STX8: variants seen among roughly 807,000 people sequenced by gnomAD.
STX8 encodes syntaxin-8.
STX8 carries 23 observed loss-of-function variants against 37.5 expected under a neutral mutation model. The ratio of observed to expected loss-of-function variants is 0.61; its 90% confidence interval spans 0.44 to 0.87. The LOEUF (loss-of-function observed/expected upper bound fraction) is 0.87, where lower values mean the gene tolerates loss of function less well. STX8 is among the 40% of genes least tolerant of loss of function. The pLI, the probability that STX8 is intolerant of heterozygous loss-of-function variation, is 0.00. For missense variants in STX8, 313 were observed against 284.7 expected (o/e 1.10, Z -0.71); for synonymous variants, 115 against 99.1 (o/e 1.16, Z -0.95).
chr17:9,373,639 T>C (rs1400149614), intron 7 of STX8, among the ~76,000 whole-genome samples: 3 of 151,978 alleles, frequency 2.0e-5, no homozygotes, highest in African/African-American at 7.3e-5. Flanking sequence ...AAATTTCAGT[T>C]TGGGATGTTA....
intron 6 of STX8, among the ~76,000 whole-genome samples, chr17:9,420,702 A>AC (rs1913392476): frequency 6.6e-6 from 1 of 152,038 alleles, no homozygotes; most frequent in African/African-American, 2.4e-5. Context: ...ACAACCCACT[A>AC]CAACTGAGCT....
intron 7 of STX8, among the ~76,000 whole-genome samples, chr17:9,264,873 G>T (rs958139892): frequency 6.6e-6 from 1 of 152,046 alleles, no homozygotes; most frequent in African/African-American, 2.4e-5. Context: ...CAGTACTTTG[G>T]GAGGCTGAGG....
At chr17:9,479,840 C>G (rs1186741687) in intron 6 of STX8, among the ~76,000 whole-genome samples, 1 of 147,286 alleles carries the variant, frequency 6.8e-6, no homozygotes, top group Non-Finnish European at 1.5e-5. Context: ...CTCCTGCCAG[C>G]TCTCCTGGCC....
At chr17:9,420,405 C>T (rs775124712) in intron 6 of STX8, among the ~76,000 whole-genome samples, 18 of 152,208 alleles carry the variant, frequency 1.2e-4, no homozygotes, top group Non-Finnish European at 2.4e-4. Context: ...GACCAGTAAC[C>T]TTACCTATAG....
chr17:9,356,167 T>C (rs956361021), intron 7 of STX8, among the ~76,000 whole-genome samples: 1 of 152,182 alleles, frequency 6.6e-6, no homozygotes, highest in Non-Finnish European at 1.5e-5. Flanking sequence ...GGTCCATTTG[T>C]CAAGCAGTAG....
At chr17:9,278,671 A>G (rs1907769415) in intron 7 of STX8, among the ~76,000 whole-genome samples, 1 of 152,130 alleles carries the variant, frequency 6.6e-6, no homozygotes. Flanking sequence ...TTGGATATGC[A>G]GTATAATGGA....
At chr17:9,406,759 G>C (rs1290982192) in intron 6 of STX8, among the ~76,000 whole-genome samples, 1 of 152,144 alleles carries the variant, frequency 6.6e-6, no homozygotes, top group Non-Finnish European at 1.5e-5. Context: ...CAATTCATCT[G>C]AGAGTTTTTT....
chr17:9,480,111 G>A (rs1022548160), intron 6 of STX8, among the ~76,000 whole-genome samples: 10 of 152,120 alleles, frequency 6.6e-5, no homozygotes, highest in East Asian at 3.8e-4. Flanking sequence ...ATAGGTCCCT[G>A]TGTTATCACC....
At chr17:9,556,821 T>TATATATATATATA (rs1324971087) in intron 3 of STX8, 9 of 138,942 alleles carry the variant, frequency 6.5e-5, no homozygotes, top group Admixed American at 1.5e-4. Flanking sequence ...ATATATATAT[T>TATATATATATATA]TTAACACTTG....
intron 7 of STX8, among the ~76,000 whole-genome samples, chr17:9,373,689 A>C (rs7217754): frequency 0.14 from 20,732 of 152,114 alleles, 4,188 homozygotes; most frequent in African/African-American, 0.44. Context: ...CCTGTAATCC[A>C]AGCACTTTGG....
intron 7 of STX8, among the ~76,000 whole-genome samples, chr17:9,375,406 G>T (rs1050098666): frequency 6.6e-6 from 1 of 152,172 alleles, no homozygotes; most frequent in Non-Finnish European, 1.5e-5. Context: ...TGGCAACAGT[G>T]TAAGAAATAT....
intron 7 of STX8, among the ~76,000 whole-genome samples, chr17:9,287,770 T>G (rs995775008): frequency 6.6e-6 from 1 of 151,988 alleles, no homozygotes; most frequent in Non-Finnish European, 1.5e-5. Flanking sequence ...TTTTTTGTTT[T>G]GAGATGGAGG....
At chr17:9,305,182 T>G (rs1908934978) in intron 7 of STX8, among the ~76,000 whole-genome samples, 1 of 152,058 alleles carries the variant, frequency 6.6e-6, no homozygotes, top group Non-Finnish European at 1.5e-5. Context: ...AACCTCCACC[T>G]CCTGGGTTCA....
intron 6 of STX8, among the ~76,000 whole-genome samples, chr17:9,412,391 T>C (rs1429067025): frequency 6.6e-6 from 1 of 152,048 alleles, no homozygotes; most frequent in African/African-American, 2.4e-5. Flanking sequence ...GTGATTCTCC[T>C]GCCTCAGCCT....
chr17:9,414,975 G>C (rs1355745967), intron 6 of STX8, among the ~76,000 whole-genome samples: 2 of 151,838 alleles, frequency 1.3e-5, no homozygotes, highest in East Asian at 3.9e-4. Context: ...ATTTTTAGTA[G>C]AGATGGGGTT....
intron 6 of STX8, among the ~76,000 whole-genome samples, chr17:9,490,810 T>G (rs1246817657): frequency 6.6e-6 from 1 of 152,182 alleles, no homozygotes; most frequent in Non-Finnish European, 1.5e-5. Flanking sequence ...CACGTTAGAA[T>G]CAGAAGACCT....
chr17:9,447,389 G>A (rs1904887053), intron 6 of STX8, among the ~76,000 whole-genome samples: 1 of 152,134 alleles, frequency 6.6e-6, no homozygotes, highest in African/African-American at 2.4e-5. Context: ...TTTGCCTGGG[G>A]ATAAAATCTT....
chr17:9,382,997 C>G (rs541973255), intron 6 of STX8, among the ~76,000 whole-genome samples: 1 of 152,100 alleles, frequency 6.6e-6, no homozygotes, highest in Non-Finnish European at 1.5e-5. Flanking sequence ...TATGAATGAA[C>G]GAATCCTGTT....
chr17:9,304,641 T>C (rs1437356561), intron 7 of STX8, among the ~76,000 whole-genome samples: 1 of 152,036 alleles, frequency 6.6e-6, no homozygotes, highest in East Asian at 1.9e-4. Flanking sequence ...TAATTTCATG[T>C]GGTTCAACTT....
Sources: gnomAD v4.1 joint callset for allele counts (sites outside exome capture counted in the v4.1 genomes callset) on GRCh38, gnomAD v4.1.1 for gene constraint, MANE v1.5 for transcripts, NCBI Gene and HGNC (gene_info 2026-07-23, HGNC 2026-07-21) for gene names.